Variants in PCCA observed in about 807,000 individuals in gnomAD.
PCCA encodes propionyl-CoA carboxylase subunit alpha, also known as propionyl-CoA carboxylase alpha chain, mitochondrial.
PCCA carries 74 observed loss-of-function variants against 101.3 expected under a neutral mutation model. The ratio of observed to expected loss-of-function variants is 0.73; its 90% CI spans 0.61 to 0.89. The LOEUF (loss-of-function observed/expected upper bound fraction) is 0.89, where lower values mean the gene tolerates loss of function less well. Ranked by LOEUF, PCCA falls within the 40% of genes least tolerant of loss-of-function variation. The pLI is 0.00. For synonymous variants in PCCA, 294 were observed against 313.6 expected (o/e 0.94, Z 0.66); for missense variants, 891 against 907.0 (o/e 0.98, Z 0.23).
At chr13:100,090,910 T>C (rs1199669651) in intron 1 of PCCA, among the ~76,000 whole-genome samples, 3 of 152,214 alleles carry the variant, frequency 2.0e-5, no homozygotes, top group African/African-American at 7.2e-5. Flanking sequence ...CATACTATGC[T>C]ATCTACGGTA....
At chr13:100,436,478 A>G (rs1281355674) in intron 20 of PCCA, among the ~76,000 whole-genome samples, 1 of 152,174 alleles carries the variant, frequency 6.6e-6, no homozygotes, top group African/African-American at 2.4e-5. Flanking sequence ...TGCCACACAG[A>G]AAAGGTGGGT....
At chr13:100,235,383 T>C (rs775639510) in intron 7 of PCCA, among the ~76,000 whole-genome samples, 3 of 152,000 alleles carry the variant, frequency 2.0e-5, no homozygotes, top group Non-Finnish European at 4.4e-5. Flanking sequence ...GGAAATTAAC[T>C]TTCATATTTC....
chr13:100,411,986 A>G (rs373504712), intron 19 of PCCA, among the ~76,000 whole-genome samples: 6 of 152,232 alleles, frequency 3.9e-5, no homozygotes, highest in Admixed American at 1.3e-4. Context: ...GTTGAGAGAG[A>G]CACCAAAGAG....
Position 100,172,912 on chromosome 13 carries a change from T to C in PCCA, c.468+15572T>C, listed in dbSNP as rs530681253. On this transcript the variant is annotated intron_variant, in intron 6 of 23. Transcript: ENST00000376285. ...AAGGATTTGAACCCCGTCATTACCATGCTCATAACTACCGGACTATGCTAC... is the reference window on the plus strand; with the variant it reads ...AAGGATTTGAACCCCGTCATTACCACGCTCATAACTACCGGACTATGCTAC... 6.6e-5 allele frequency among the ~76,000 whole-genome samples: 10 copies of C among 152,316 alleles called. No individual in the cohort carries two copies. In the South Asian group the frequency reaches 1.4e-3, roughly 22 times the overall value.
chr13:100,499,820 AG>A (rs1178629022), intron 21 of PCCA, among the ~76,000 whole-genome samples: 1 of 152,264 alleles, frequency 6.6e-6, no homozygotes, highest in African/African-American at 2.4e-5. Flanking sequence ...AAAATAACAT[AG>A]GAGAAGCAAA....
chr13:100,149,445 T>G (rs989377063), intron 4 of PCCA: 2 of 152,222 alleles, frequency 1.3e-5, no homozygotes, highest in African/African-American at 4.8e-5. Context: ...TCTGTACCCA[T>G]TTAACAGTAA....
At chr13:100,427,367 G>A (rs907912474) in intron 20 of PCCA, among the ~76,000 whole-genome samples, 3 of 152,152 alleles carry the variant, frequency 2.0e-5, no homozygotes, top group East Asian at 1.9e-4. Context: ...GAAGAAAGAG[G>A]TACAAACTCC....
At chr13:100,267,560 A>G (rs2063027464) in intron 10 of PCCA, among the ~76,000 whole-genome samples, 1 of 152,212 alleles carries the variant, frequency 6.6e-6, no homozygotes, top group South Asian at 2.1e-4. Context: ...GAGAAGTTGC[A>G]TAGCTGTTTG....
rs763331038 is a variant in PCCA, at chr13:100,400,627, G to GTTTTTTTTTTTTTTTTTTTTTT, written c.1747-25004_1747-25003insTTTTTTTTTTTTTTTTTTTTTT. Among the ~76,000 whole-genome samples, 8 of 80,244 alleles carry GTTTTTTTTTTTTTTTTTTTTTT rather than the reference G, an allele frequency of 1.0e-4. 1 individual carries two copies. Among genetic ancestry groups the GTTTTTTTTTTTTTTTTTTTTTT allele is most frequent in the African/African-American group, 4.5e-4 (7 of 15,414 alleles). The allele number at this position is 80,244 out of a possible 152,430, so 52.6% of individuals were successfully genotyped here. On this transcript the variant is annotated intron_variant, in intron 19 of 23. Transcript: ENST00000376285. Reference sequence around the variant, plus strand: ...TGATGATTGATCTTAGTTCTTTTTAGTTCTTTTTTTTTTTTTTTTTGAGAG... The same window carrying GTTTTTTTTTTTTTTTTTTTTTT: ...TGATGATTGATCTTAGTTCTTTTTAGTTTTTTTTTTTTTTTTTTTTTTTTCTTTTTTTTTTTTTTTTTGAGAG...
intron 7 of PCCA, among the ~76,000 whole-genome samples, chr13:100,223,120 A>G (rs552150792): frequency 1.3e-5 from 2 of 151,766 alleles, no homozygotes; most frequent in Non-Finnish European, 2.9e-5. Flanking sequence ...AGTGAAAGGC[A>G]TGCACATTAA....
At chr13:100,105,694 T>C (rs561474387) in intron 2 of PCCA, among the ~76,000 whole-genome samples, 1 of 142,326 alleles carries the variant, frequency 7.0e-6, no homozygotes, top group Non-Finnish European at 1.5e-5. Flanking sequence ...CCACAAAAAT[T>C]AGCTGGGTGT....
chr13:100,188,332 C>CAA (rs2057473807), intron 6 of PCCA, among the ~76,000 whole-genome samples: 1 of 140,526 alleles, frequency 7.1e-6, no homozygotes. Context: ...AACAAAAACA[C>CAA]AAAGAAAGAA....
chr13:100,130,026 T>A lies in PCCA; in HGVS notation c.300+17965T>A, dbSNP rs116791852. Among the ~76,000 whole-genome samples, 345 of 152,350 alleles carry A rather than the reference T, an allele frequency of 2.3e-3. 1 individual carries two copies. The highest frequency in any genetic ancestry group is 8.1e-3 in the African/African-American group (335 of 41,578). On this transcript the variant is annotated intron_variant, in intron 4 of 23. Coordinates refer to ENST00000376285, the MANE Select transcript of PCCA (RefSeq NM_000282.4). ...GTACATTTGAAGTAGAGAGAGCTTT[T>A]GAAATATGAACTCACTGTGCCATCC...
chr13:100,124,284 T>C (rs1409536376), intron 4 of PCCA, among the ~76,000 whole-genome samples: 1 of 152,230 alleles, frequency 6.6e-6, no homozygotes, highest in African/African-American at 2.4e-5. Context: ...TCTACGTTCC[T>C]AAATTGAACC....
chr13:100,507,782 G>C (rs762641335), intron 21 of PCCA, among the ~76,000 whole-genome samples: 1 of 151,304 alleles, frequency 6.6e-6, no homozygotes, highest in Admixed American at 6.6e-5. Context: ...TCAGCCTCCC[G>C]AGCAGCTAGG....
In PCCA at chr13:100,515,478, C is replaced by T. The variant is rs1449490636; in HGVS notation, c.1951C>T (p.Leu651=). 1 of 1,614,038 alleles carries T rather than the reference C, an allele frequency of 6.2e-7. No homozygotes were observed. Among genetic ancestry groups the T allele is most frequent in the East Asian group, 2.2e-5 (1 of 44,882 alleles). The stretch of plus-strand genomic sequence containing the variant: ...TGCCGCAGAATTGAACAAATTTATG[C>T]TGGAAAAAGTGACTGAGGACACAAG... ...RLAAELNKFM[L]EKVTEDTSSV... is the part of the protein sequence containing the mutation. The change falls in exon 22 of 24, where the codon CTG becomes TTG. Residue 651 remains leucine (L), a synonymous_variant. Coordinates refer to ENST00000376285, the MANE Select transcript of PCCA (RefSeq NM_000282.4).
rs183645514 is a variant in PCCA at position 100,418,691 on chromosome 13, G to A, written c.1747-6942G>A. 1.7e-3 allele frequency among the ~76,000 whole-genome samples: 259 copies of A among 151,998 alleles called. 1 individual carries two copies. The highest frequency in any genetic ancestry group is 3.1e-3 in the Non-Finnish European group (212 of 67,958). On this transcript the variant is annotated intron_variant, in intron 19 of 23. Coordinates refer to ENST00000376285, the MANE Select transcript of PCCA (RefSeq NM_000282.4). ...CTACTAAAAATACAAAATATTAGCC[G>A]GGCATGGTGGTGTACACCTGTAATC...
At chr13:100,319,289 T>C (rs1301647396) in intron 16 of PCCA, among the ~76,000 whole-genome samples, 1 of 152,140 alleles carries the variant, frequency 6.6e-6, no homozygotes, top group African/African-American at 2.4e-5. Flanking sequence ...GTAGGTTGCC[T>C]GTTCACTCTG....
At chr13:100,330,869 T>C (rs1169731827) in intron 17 of PCCA, among the ~76,000 whole-genome samples, 198 bp downstream of exon 17, 3 of 152,190 alleles carry the variant, frequency 2.0e-5, no homozygotes, top group African/African-American at 7.2e-5. Context: ...TGCAGTCTTG[T>C]GGAGTGCAGA....
Sources: gnomAD v4.1 joint callset for allele counts (sites outside exome capture counted in the v4.1 genomes callset) on GRCh38, gnomAD v4.1.1 for gene constraint, MANE v1.5 for transcripts, NCBI Gene and HGNC (gene_info 2026-07-23, HGNC 2026-07-21) for gene names.